Variants in ARHGAP24 observed in about 807,000 individuals in gnomAD.
The protein encoded by ARHGAP24 is rho GTPase-activating protein 24.
In ARHGAP24, 50 loss-of-function variants were observed where a neutral mutation model predicts 76.4. The observed-to-expected ratio is 0.65, with a 90% CI of 0.52 to 0.83. The LOEUF (loss-of-function observed/expected upper bound fraction) is 0.83, where lower values mean the gene tolerates loss of function less well. ARHGAP24 is among the 40% of genes least tolerant of loss of function. ARHGAP24 has a pLI of 0.00. For missense variants in ARHGAP24, 930 were observed against 914.2 expected (o/e 1.02, Z -0.22); for synonymous variants, 345 against 323.3 (o/e 1.07, Z -0.72).
intron 2 of ARHGAP24, among the ~76,000 whole-genome samples, chr4:85,695,878 T>C (rs1218943092): frequency 6.6e-6 from 1 of 152,178 alleles, no homozygotes; most frequent in African/African-American, 2.4e-5. Context: ...GCAAATACAA[T>C]TCCATAGAGG....
chr4:85,883,867 A>G (rs1343785224), intron 3 of ARHGAP24, among the ~76,000 whole-genome samples: 1 of 152,108 alleles, frequency 6.6e-6, no homozygotes, highest in Non-Finnish European at 1.5e-5. Context: ...GTTTCCTTGC[A>G]TGTTGACCTA....
At chr4:85,798,373 G>GATT (rs1728451845) in intron 3 of ARHGAP24, among the ~76,000 whole-genome samples, 1 of 152,184 alleles carries the variant, frequency 6.6e-6, no homozygotes. Context: ...TGAGTGCCAA[G>GATT]AGTTGGGACT....
intron 3 of ARHGAP24, among the ~76,000 whole-genome samples, chr4:85,872,788 A>G (rs920873176): frequency 6.7e-6 from 1 of 150,142 alleles, no homozygotes; most frequent in Middle Eastern, 3.5e-3. Context: ...TTTTGTAGAG[A>G]TGGGGTCTTG....
At chr4:85,573,871 A>T (rs547071304) in intron 2 of ARHGAP24, among the ~76,000 whole-genome samples, 2 of 152,278 alleles carry the variant, frequency 1.3e-5, no homozygotes, top group East Asian at 3.9e-4. Context: ...CCTTCTCATT[A>T]GTCCTCAACT....
intron 1 of ARHGAP24, among the ~76,000 whole-genome samples, chr4:85,482,140 T>C (rs1578177035): frequency 6.6e-6 from 1 of 152,238 alleles, no homozygotes; most frequent in South Asian, 2.1e-4. Context: ...CCTGATGTTA[T>C]CTTCTTGCAA....
At chr4:85,596,861 G>A (rs1057303509) in intron 2 of ARHGAP24, among the ~76,000 whole-genome samples, 3 of 151,938 alleles carry the variant, frequency 2.0e-5, no homozygotes, top group East Asian at 1.9e-4. Flanking sequence ...GTTTTTCAAC[G>A]TTATTCAAAA....
chr4:85,977,288 T>C (rs1739399839), intron 7 of ARHGAP24, among the ~76,000 whole-genome samples: 2 of 152,174 alleles, frequency 1.3e-5, no homozygotes, highest in Admixed American at 1.3e-4. Context: ...CTCAAGTCCA[T>C]ATTAGTATTG....
chr4:85,887,988 A>G lies in ARHGAP24; in HGVS notation c.269-35660A>G, dbSNP rs572762140. 2.6e-5 allele frequency among the ~76,000 whole-genome samples: 4 copies of G among 152,270 alleles called. No homozygotes were observed. The East Asian group carries it at 7.7e-4, about 29-fold the overall frequency. On this transcript the variant is annotated intron_variant, in intron 3 of 9. Transcript: ENST00000395184. Reference sequence around the variant, plus strand: ...AACATCCTGGGTCATATATAAATCAATGTTTTCCCTGGATTACATATGACT... The same window carrying G: ...AACATCCTGGGTCATATATAAATCAGTGTTTTCCCTGGATTACATATGACT...
intron 1 of ARHGAP24, among the ~76,000 whole-genome samples, chr4:85,479,359 A>G (rs1348975634): frequency 6.6e-6 from 1 of 152,226 alleles, no homozygotes; most frequent in Non-Finnish European, 1.5e-5. Flanking sequence ...AGAAACAATT[A>G]TAATAGATAT....
intron 2 of ARHGAP24, among the ~76,000 whole-genome samples, chr4:85,655,792 T>TAGAGAGAG (rs1248907720): frequency 1.1e-3 from 40 of 37,676 alleles, no homozygotes; most frequent in South Asian, 6.4e-3. Flanking sequence ...TATATATATA[T>TAGAGAGAG]AGAGAGAGAG....
intron 2 of ARHGAP24, among the ~76,000 whole-genome samples, chr4:85,580,139 G>A (rs192238780): frequency 2.0e-5 from 3 of 147,318 alleles, no homozygotes; most frequent in East Asian, 2.5e-4. Context: ...TGTGTGGTGG[G>A]GGGGGAGGGT....
chr4:85,818,676 C>T lies in ARHGAP24; in HGVS notation c.268+96704C>T, dbSNP rs140682254. On this transcript the variant is annotated intron_variant, in intron 3 of 9. Transcript: ENST00000395184. ...TCCTGATATTGCTGACCACAACAGT[C>T]AGGACTTTAGTGAGAAGTTGAAAAC... Among the ~76,000 whole-genome samples, 1,440 of 152,272 alleles carry T rather than the reference C, an allele frequency of 9.5e-3. 26 individuals carry two copies. Among genetic ancestry groups the T allele is most frequent in the African/African-American group, 0.032 (1,348 of 41,548 alleles).
intron 2 of ARHGAP24, among the ~76,000 whole-genome samples, chr4:85,627,888 A>G (rs1015742910): frequency 2.0e-5 from 3 of 152,192 alleles, no homozygotes; most frequent in African/African-American, 7.2e-5. Flanking sequence ...GGTGCGGGAT[A>G]TAATCTCCTG....
chr4:85,584,482 C>T (rs1298236191), intron 2 of ARHGAP24, among the ~76,000 whole-genome samples: 1 of 151,238 alleles, frequency 6.6e-6, no homozygotes, highest in Non-Finnish European at 1.5e-5. Flanking sequence ...AGGAGATATA[C>T]CTAATGCTAA....
chr4:85,674,743 A>G (rs1722916166), intron 2 of ARHGAP24, among the ~76,000 whole-genome samples: 1 of 152,204 alleles, frequency 6.6e-6, no homozygotes, highest in Non-Finnish European at 1.5e-5. Context: ...TATGCAGGAT[A>G]TACCAGGATT....
chr4:85,564,185 G>A (rs10034499), intron 1 of ARHGAP24, among the ~76,000 whole-genome samples: 88,627 of 151,924 alleles, frequency 0.58, 26,195 homozygotes, highest in East Asian at 0.85. Flanking sequence ...CAAATATTTT[G>A]TCGTTAAAGA....
chr4:85,906,729 A>G (rs945159584), intron 3 of ARHGAP24, among the ~76,000 whole-genome samples: 1 of 152,188 alleles, frequency 6.6e-6, no homozygotes, highest in Non-Finnish European at 1.5e-5. Context: ...TTAAATAATC[A>G]TAAGTTTGGG....
intron 3 of ARHGAP24, among the ~76,000 whole-genome samples, chr4:85,912,026 AC>A (rs1408749036): frequency 6.6e-6 from 1 of 152,078 alleles, no homozygotes; most frequent in Non-Finnish European, 1.5e-5. Flanking sequence ...ATTAGGTGAG[AC>A]CCCCTAATTC....
chr4:85,911,759 A>T (rs548673813), intron 3 of ARHGAP24, among the ~76,000 whole-genome samples: 2 of 152,358 alleles, frequency 1.3e-5, no homozygotes, highest in East Asian at 3.9e-4. Context: ...GACTACAACA[A>T]TATGCTTTTA....
Sources: gnomAD v4.1 joint callset for allele counts (sites outside exome capture counted in the v4.1 genomes callset) on GRCh38, gnomAD v4.1.1 for gene constraint, MANE v1.5 for transcripts, NCBI Gene and HGNC (gene_info 2026-07-23, HGNC 2026-07-21) for gene names.